Variants in ATP6V0A4 observed in about 807,000 individuals in gnomAD.
ATP6V0A4 encodes V-type proton ATPase 116 kDa subunit a 4.
ATP6V0A4 carries 86 observed loss-of-function variants against 107.3 expected under a neutral mutation model. The observed-to-expected ratio is 0.80, with a 90% CI of 0.67 to 0.96. The LOEUF is 0.96. Ranked by LOEUF, ATP6V0A4 falls within the 40% of genes least tolerant of loss-of-function variation. The pLI, the probability that ATP6V0A4 is intolerant of heterozygous loss-of-function variation, is 0.00. For synonymous variants in ATP6V0A4, 353 were observed against 381.4 expected (o/e 0.93, Z 0.87); for missense variants, 908 against 1,045.6 (o/e 0.87, Z 1.81).
intron 5 of ATP6V0A4, among the ~76,000 whole-genome samples, chr7:138,765,941 A>G (rs757592283): frequency 1.1e-4 from 17 of 152,060 alleles, no homozygotes; most frequent in Non-Finnish European, 2.5e-4. Flanking sequence ...TTGTAGAGAC[A>G]GAGTCTCATT....
chr7:138,734,468 C>A, intron 15 of ATP6V0A4: 1 of 274,988 alleles, frequency 3.6e-6, no homozygotes, highest in Non-Finnish European at 5.5e-6. Context: ...GTAACAGGAT[C>A]ATTAGTGCTA....
chr7:138,768,757 G>A (rs1312855061), intron 5 of ATP6V0A4, 23 bp downstream of exon 5: 4 of 1,613,514 alleles, frequency 2.5e-6, no homozygotes, highest in Non-Finnish European at 3.4e-6. Flanking sequence ...TACCTGGGGA[G>A]GCCAGCAAAG....
At chr7:138,762,554 G>C in intron 6 of ATP6V0A4, 120 bp from the exon 7 acceptor site, 3 of 1,522,254 alleles carry the variant, frequency 2.0e-6, no homozygotes, top group Non-Finnish European at 2.6e-6. Context: ...AAAGTTAACA[G>C]AAGTCAGAAA....
At chr7:138,730,892 T>A (rs1804967627) in intron 17 of ATP6V0A4, among the ~76,000 whole-genome samples, 1 of 151,792 alleles carries the variant, frequency 6.6e-6, no homozygotes, top group South Asian at 2.1e-4. Context: ...TCACTCCTTA[T>A]GAAAACCTGA....
intron 8 of ATP6V0A4, among the ~76,000 whole-genome samples, chr7:138,757,396 G>A (rs1806564942): frequency 6.6e-6 from 1 of 152,054 alleles, no homozygotes; most frequent in Admixed American, 6.6e-5. Flanking sequence ...CTCACCTGTG[G>A]TCCCAGCTAC....
chr7:138,730,615 T>A (rs1423189759), intron 17 of ATP6V0A4, among the ~76,000 whole-genome samples: 2 of 152,238 alleles, frequency 1.3e-5, no homozygotes, highest in Middle Eastern at 3.2e-3. Flanking sequence ...CAATGCTCAG[T>A]GCTTATTCCA....
intron 1 of ATP6V0A4, among the ~76,000 whole-genome samples, chr7:138,796,368 T>C (rs561292938): frequency 2.0e-5 from 3 of 152,288 alleles, no homozygotes; most frequent in Non-Finnish European, 4.4e-5. Context: ...ACCACTATTT[T>C]ATATCTTAGA....
intron 17 of ATP6V0A4, 164 bp from the exon 18 acceptor site, chr7:138,729,026 G>A (rs1439239568): frequency 1.2e-6 from 1 of 863,840 alleles, no homozygotes; most frequent in Non-Finnish European, 1.4e-6. Flanking sequence ...TATTCCCCTT[G>A]CAGATAGAGA....
intron 8 of ATP6V0A4, 142 bp downstream of exon 8, chr7:138,759,610 G>T (rs565697135): frequency 1.1e-6 from 1 of 922,354 alleles, no homozygotes; most frequent in South Asian, 1.5e-5. Flanking sequence ...CAAAGTAAAA[G>T]GGAAGGAAAA....
At chr7:138,787,525 A>G (rs753196990) in intron 1 of ATP6V0A4, among the ~76,000 whole-genome samples, 2 of 152,102 alleles carry the variant, frequency 1.3e-5, no homozygotes, top group African/African-American at 2.4e-5. Context: ...GGTGGTGCAT[A>G]CCTGTAGCCC....
chr7:138,745,675 C>T (rs1403462528), intron 13 of ATP6V0A4, among the ~76,000 whole-genome samples: 1 of 51,514 alleles, frequency 1.9e-5, no homozygotes, highest in African/African-American at 8.8e-5. Flanking sequence ...AAAAAAAGGC[C>T]GGGTGTGATG....
At chr7:138,747,293 T>C in intron 13 of ATP6V0A4, 132 bp downstream of exon 13, 1 of 1,172,784 alleles carries the variant, frequency 8.5e-7, no homozygotes, top group Non-Finnish European at 1.2e-6. Context: ...AGTTTTAGGT[T>C]AATTTGGCTC....
chr7:138,717,930 AGAGT>A (rs1420703704), intron 19 of ATP6V0A4, among the ~76,000 whole-genome samples: 3 of 136,168 alleles, frequency 2.2e-5, no homozygotes, highest in African/African-American at 8.3e-5. Flanking sequence ...AAAAAAAAAA[AGAGT>A]GAGATGAGAT....
intron 17 of ATP6V0A4, among the ~76,000 whole-genome samples, chr7:138,730,341 AGTGTGTGTGTGTGTGTGT>A (rs369725759): frequency 1.8e-4 from 25 of 140,138 alleles, no homozygotes; most frequent in African/African-American, 3.7e-4. Flanking sequence ...CAACGGGATG[AGTGTGTGTGTGTGTGTGT>A]GTGTGTGTGT....
intron 1 of ATP6V0A4, among the ~76,000 whole-genome samples, chr7:138,796,640 C>T (rs924891918): frequency 1.3e-5 from 2 of 152,140 alleles, no homozygotes; most frequent in African/African-American, 4.8e-5. Context: ...AGCACCCAGC[C>T]CAAATGTCAC....
chr7:138,719,058 C>A (rs1377276504), intron 19 of ATP6V0A4, among the ~76,000 whole-genome samples: 1 of 152,008 alleles, frequency 6.6e-6, no homozygotes, highest in African/African-American at 2.4e-5. Flanking sequence ...TGGTGGCATG[C>A]ACCTGCGGTC....
At chr7:138,767,935 T>C (rs1371273570) in intron 5 of ATP6V0A4, among the ~76,000 whole-genome samples, 2 of 152,018 alleles carry the variant, frequency 1.3e-5, no homozygotes, top group Admixed American at 6.6e-5. Context: ...TTTTTGTTTG[T>C]TTGTTTGTTT....
chr7:138,741,721 A>G (rs528171053), intron 14 of ATP6V0A4, among the ~76,000 whole-genome samples: 55 of 152,296 alleles, frequency 3.6e-4, no homozygotes, highest in African/African-American at 1.3e-3. Context: ...GGTTTTCCCA[A>G]TGATGCACCA....
In ATP6V0A4 at chr7:138,792,770, TTTTTTTTGTTGTTTTG is replaced by T. The variant is rs1563025277; in HGVS notation, c.-121+5248_-121+5263del. 1.9e-4 allele frequency among the ~76,000 whole-genome samples: 15 copies of T among 80,668 alleles called. 3 individuals carry two copies. Among genetic ancestry groups the T allele is most frequent in the Non-Finnish European group, 1.5e-4 (6 of 40,152 alleles). The allele number at this position is 80,668 out of a possible 152,430, so 52.9% of individuals were successfully genotyped here. A position where few individuals can be genotyped will look rare whatever the true frequency, so the allele number is the denominator to read the frequency against. On this transcript the variant is annotated intron_variant, in intron 1 of 21. Coordinates refer to ENST00000310018, the MANE Select transcript of ATP6V0A4 (RefSeq NM_020632.3). ...TGCATCACCAAACTCAGGTTTGTTT[TTTTTTTTGTTGTTTTG>T]TTTTTTTTTTTGTAGCAACAGAGTT...
Sources: allele counts gnomAD v4.1 joint callset (sites outside exome capture counted in the v4.1 genomes callset), GRCh38; gene constraint gnomAD v4.1.1; transcripts MANE v1.5; gene names NCBI Gene and HGNC (gene_info 2026-07-23, HGNC 2026-07-21).